The following ZDBF2 variants were observed in gnomAD, a reference collection of about 807,000 sequenced individuals.
The protein encoded by ZDBF2 is zinc finger DBF-type containing 2.
In ZDBF2, 6 loss-of-function variants were observed where a neutral mutation model predicts 9.4. The observed-to-expected ratio is 0.64, with a 90% CI of 0.35 to 1.27. ZDBF2 has a LOEUF of 1.27. Ranked by LOEUF, ZDBF2 falls within the 50% of genes most tolerant of loss-of-function variation. ZDBF2 has a pLI of 0.03. For synonymous variants in ZDBF2, 905 were observed against 946.3 expected (o/e 0.96, Z 0.80); for missense variants, 2,697 against 2,766.8 (o/e 0.97, Z 0.57).
chr2:206,297,051 G>A (rs1269645221), intron 3 of ZDBF2, among the ~76,000 whole-genome samples, 195 bp from the exon 4 acceptor site: 1 of 152,102 alleles, frequency 6.6e-6, no homozygotes, highest in East Asian at 1.9e-4. Flanking sequence ...TCCTTAGGCT[G>A]TACTTAGGGA....
intron 4 of ZDBF2, among the ~76,000 whole-genome samples, chr2:206,300,416 C>G (rs1692440836): frequency 6.6e-6 from 1 of 152,090 alleles, no homozygotes; most frequent in African/African-American, 2.4e-5. Context: ...AGAGTACTGG[C>G]CAGTTAATTT....
At chr2:206,297,755 C>G (rs1011113980) in intron 4 of ZDBF2, among the ~76,000 whole-genome samples, 1 of 152,292 alleles carries the variant, frequency 6.6e-6, no homozygotes, top group African/African-American at 2.4e-5. Context: ...TCTCAGCTCA[C>G]CGCAACCTCC....
Position 206,310,430 on chromosome 2 carries a change from C to T in ZDBF2, c.5902C>T (p.Pro1968Ser), listed in dbSNP as rs771273867. The change falls in exon 5 of 5, where the codon CCA (proline) becomes TCA (serine). Residue 1968 changes from proline to serine, a missense_variant. Physicochemically the swap from Pro to Ser is moderately conservative, Grantham distance 74. Transcript: ENST00000374423. The stretch of plus-strand genomic sequence containing the variant: ...AATAATTAGACAAGAGGAAGACCCA[C>T]CAAAAAGTAAGTGTTCACGTTTACA... ...RKIIRQEEDP[P>S]KSKCSRLQDD... is the part of the protein sequence containing the mutation. The T allele has an allele frequency of 1.5e-5, 24 of 1,613,824 alleles. No homozygotes were observed. Among genetic ancestry groups the T allele is most frequent in the South Asian group, 2.2e-5 (2 of 91,052 alleles).
rs1254365298 is a variant in ZDBF2, at chr2:206,306,212, C to T, written c.1684C>T (p.Leu562Phe). 3.1e-6 allele frequency: 5 copies of T among 1,613,442 alleles called. No individual in the cohort carries two copies. The change falls in exon 5 of 5, where the codon CTT (leucine) becomes TTT (phenylalanine). Residue 562 changes from leucine (L) to phenylalanine (F), a missense_variant. Transcript: ENST00000374423. Reference protein sequence around the residue: ...RPPVAVTETKLRKKAHTSLVD... With the variant: ...RPPVAVTETKFRKKAHTSLVD... The stretch of plus-strand genomic sequence containing the variant: ...CCCAGTGGCTGTCACAGAAACAAAA[C>T]TTCGGAAGAAGGCTCATACCAGCTT...
chr2:206,283,939 A>G (rs1007145386), intron 3 of ZDBF2, among the ~76,000 whole-genome samples: 2 of 152,198 alleles, frequency 1.3e-5, no homozygotes, highest in Admixed American at 1.3e-4. Flanking sequence ...TTGGGATTAC[A>G]GGTGTGAGCC....
intron 3 of ZDBF2, among the ~76,000 whole-genome samples, chr2:206,292,604 C>T (rs139554354): frequency 6.6e-6 from 1 of 151,976 alleles, no homozygotes; most frequent in African/African-American, 2.4e-5. Context: ...ATTATTTATA[C>T]ACAACATGAT....
Position 206,281,807 on chromosome 2 carries a change from T to C in ZDBF2, c.-43T>C, listed in dbSNP as rs1574378187. On this transcript the variant is annotated 5_prime_UTR_variant, in exon 3 of 5. Coordinates refer to ENST00000374423, the MANE Select transcript of ZDBF2 (RefSeq NM_020923.3). ...TTTTCTTTTTGTTTTTCAGCTTGAGTATTCAAAGACAGTAGCCATCTGACT... is the reference window on the plus strand; with the variant it reads ...TTTTCTTTTTGTTTTTCAGCTTGAGCATTCAAAGACAGTAGCCATCTGACT... The C allele has an allele frequency of 6.3e-7, 1 of 1,580,114 alleles. No individual in the cohort carries two copies. Among genetic ancestry groups the C allele is most frequent in the East Asian group, 2.2e-5 (1 of 44,638 alleles).
intron 1 of ZDBF2, among the ~76,000 whole-genome samples, chr2:206,275,547 A>G (rs1690947314): frequency 6.6e-6 from 1 of 152,218 alleles, no homozygotes; most frequent in African/African-American, 2.4e-5. Context: ...GCTCCTAAGA[A>G]GGGCCTTACC....
At position 206,311,174 on chromosome 2, in the gene ZDBF2, C is replaced by T. The variant is rs183017282; in HGVS notation, c.6646C>T (p.Arg2216Trp). 1,086 of 1,612,140 alleles carry T rather than the reference C, an allele frequency of 6.7e-4. No homozygotes were observed. Among genetic ancestry groups the T allele is most frequent in the Non-Finnish European group, 8.5e-4 (1,008 of 1,179,498 alleles). The change falls in exon 5 of 5, where the codon CGG becomes TGG. Residue 2216 changes from arginine (R) to tryptophan (W), a missense_variant. Arg to Trp is a moderately radical substitution (Grantham distance 101). Coordinates refer to ENST00000374423, the MANE Select transcript of ZDBF2 (RefSeq NM_020923.3). ...TTCAGAGAAACAGTCAATTTGGATT[C>T]GGACCAAACCAAGTGATATCATTAG... ...KASEKQSIWI[R>W]TKPSDIIRKY...
intron 3 of ZDBF2, among the ~76,000 whole-genome samples, chr2:206,286,658 G>T (rs1039899803): frequency 6.6e-6 from 1 of 152,020 alleles, no homozygotes; most frequent in African/African-American, 2.4e-5. Flanking sequence ...AGCCTCGTTA[G>T]TAGCAGGGAC....
Position 206,311,563 on chromosome 2 carries a change from A to C in ZDBF2, c.7035A>C (p.Ala2345=), listed in dbSNP as rs766096331. 3 of 1,522,460 alleles carry C rather than the reference A, an allele frequency of 2.0e-6. No individual in the cohort carries two copies. The South Asian group carries it at 4.0e-5, about 20-fold the overall frequency. 94.3% of individuals were successfully genotyped at this position (1,522,460 alleles called of 1,614,324 possible). ...GTGAGAGAATGATGACTCGGCTAGC[A>C]AACAAACTGAGAGGTAATGAGGTAA... ...QQRERMMTRL[A]NKLRGNEVK The change falls in exon 5 of 5, where the codon GCA becomes GCC. Residue 2345 remains alanine, a synonymous_variant. Coordinates refer to ENST00000374423, the MANE Select transcript of ZDBF2 (RefSeq NM_020923.3).
intron 1 of ZDBF2, among the ~76,000 whole-genome samples, chr2:206,279,167 C>T (rs1045001288): frequency 1.3e-5 from 2 of 152,164 alleles, no homozygotes; most frequent in Non-Finnish European, 2.9e-5. Context: ...TTAAAGCTAA[C>T]GTGGTACCTG....
intron 3 of ZDBF2, among the ~76,000 whole-genome samples, chr2:206,296,467 T>C (rs1205094605): frequency 6.6e-6 from 1 of 152,218 alleles, no homozygotes; most frequent in African/African-American, 2.4e-5. Context: ...TTTTATTTCA[T>C]TATCAGTTAT....
chr2:206,296,104 A>G (rs1361776556), intron 3 of ZDBF2, among the ~76,000 whole-genome samples: 1 of 152,242 alleles, frequency 6.6e-6, no homozygotes, highest in East Asian at 1.9e-4. Flanking sequence ...AAAATTACCC[A>G]TAACTGCACC....
chr2:206,283,941 G>T (rs1022018655), intron 3 of ZDBF2, among the ~76,000 whole-genome samples: 5 of 152,204 alleles, frequency 3.3e-5, no homozygotes, highest in African/African-American at 1.2e-4. Flanking sequence ...GGGATTACAG[G>T]TGTGAGCCAC....
intron 4 of ZDBF2, among the ~76,000 whole-genome samples, chr2:206,297,626 TTATAAG>T (rs1692262375): frequency 6.6e-6 from 1 of 152,196 alleles, no homozygotes; most frequent in Non-Finnish European, 1.5e-5. Context: ...TTAAGATGTT[TTATAAG>T]TATGTTATAG....
rs1693032433 is a variant in ZDBF2, at chr2:206,309,587, G to A, written c.5059G>A (p.Ala1687Thr). 1 of 1,613,784 alleles carries A rather than the reference G, an allele frequency of 6.2e-7. No individual in the cohort carries two copies. Among genetic ancestry groups the A allele is most frequent in the East Asian group, 2.2e-5 (1 of 44,882 alleles). The stretch of plus-strand genomic sequence containing the variant: ...CCGACTGCAGAAAGCTCACAAAGAA[G>A]CCAGTCTTCGGAAGGATCCAAGAAA... ...THRLQKAHKE[A>T]SLRKDPRNAG... Residue 1687 changes from alanine to threonine, a missense_variant, in exon 5 of 5, where the codon GCC becomes ACC. Physicochemically the swap from Ala to Thr is moderately conservative, Grantham distance 58. Around this residue, in one of 3 missense-constraint regions of ZDBF2, gnomAD observed 1,783 missense variants for 1,776.5 expected, o/e 1.00. Transcript: ENST00000374423.
intron 1 of ZDBF2, 81 bp from the exon 2 acceptor site, chr2:206,279,459 A>G (rs1347875682): frequency 2.0e-5 from 3 of 152,170 alleles, no homozygotes; most frequent in African/African-American, 4.8e-5. Context: ...ACCGTTCACA[A>G]TATATCTGGA....
Position 206,311,176 on chromosome 2 carries a change from G to T in ZDBF2, c.6648G>T (p.Arg2216=), listed in dbSNP as rs1180006817. The T allele has an allele frequency of 1.9e-6, 3 of 1,612,578 alleles. No individual in the cohort carries two copies. In the African/African-American group the frequency reaches 4.0e-5, roughly 22 times the overall value. The change falls in exon 5 of 5, where the codon CGG becomes CGT. Residue 2216 remains arginine (R), a synonymous_variant. Coordinates refer to ENST00000374423, the MANE Select transcript of ZDBF2 (RefSeq NM_020923.3). ...CAGAGAAACAGTCAATTTGGATTCG[G>T]ACCAAACCAAGTGATATCATTAGAA... ...KASEKQSIWI[R]TKPSDIIRKY... is the part of the protein sequence containing the mutation.
Sources: allele counts gnomAD v4.1 joint callset (sites outside exome capture counted in the v4.1 genomes callset), GRCh38; gene constraint gnomAD v4.1.1; regional missense constraint gnomAD v4.1.1; transcripts MANE v1.5; gene names NCBI Gene and HGNC (gene_info 2026-07-23, HGNC 2026-07-21).